Variants in KIF12 observed in about 807,000 individuals in gnomAD.
KIF12 encodes the protein kinesin-like protein KIF12.
Under a neutral mutation model 87.9 loss-of-function variants are expected in KIF12, and 80 were observed. The ratio of observed to expected loss-of-function variants is 0.91; its 90% CI spans 0.76 to 1.10. The LOEUF (loss-of-function observed/expected upper bound fraction) is 1.10. KIF12 is among the 50% of genes least tolerant of loss of function. The pLI, the probability that KIF12 is intolerant of heterozygous loss-of-function variation, is 0.00. For missense variants in KIF12, 819 were observed against 865.3 expected, an observed-to-expected ratio of 0.95 and a Z score of 0.67; for synonymous variants, 353 against 348.5, an observed-to-expected ratio of 1.01 and a Z score of -0.14.
chr9:114,098,281 C>G (rs1847322944), intron 4 of KIF12, 21 bp downstream of exon 4: 2 of 1,491,706 alleles, frequency 1.3e-6, no homozygotes, highest in Non-Finnish European at 1.8e-6. Flanking sequence ...CGGCGCGGAG[C>G]GGAGGCGAAG....
In KIF12 at chr9:114,098,101, C is replaced by A; in HGVS notation, c.375+14G>T. 6 of 1,543,624 alleles carry A rather than the reference C, an allele frequency of 3.9e-6. No homozygotes were observed. The highest frequency in any genetic ancestry group is 5.2e-6 in the Non-Finnish European group (6 of 1,145,152). ...CAGCCCCGCCCCGCGGGGGCGCCGCCGGCGCTCGCTCACCTGGGGAGGGGG... is the reference window on the plus strand; with the variant it reads ...CAGCCCCGCCCCGCGGGGGCGCCGCAGGCGCTCGCTCACCTGGGGAGGGGG... On this transcript the variant is annotated intron_variant, in intron 5 of 18. Coordinates refer to ENST00000640217, the MANE Select transcript of KIF12 (RefSeq NM_001388308.1).
At chr9:114,094,673 G>C (rs944475537) in intron 11 of KIF12, among the ~76,000 whole-genome samples, 5 of 152,164 alleles carry the variant, frequency 3.3e-5, no homozygotes, top group African/African-American at 1.2e-4. Flanking sequence ...TCAGCTGTGA[G>C]TCCAATCCCA....
chr9:114,095,450 C>G, intron 9 of KIF12, 118 bp from the exon 10 acceptor site: 4 of 1,066,744 alleles, frequency 3.7e-6, no homozygotes, highest in Non-Finnish European at 5.4e-6. Context: ...ACCCATCTTT[C>G]CACATGATCT....
chr9:114,097,141 T>C (rs1847264664), intron 7 of KIF12, among the ~76,000 whole-genome samples, 160 bp downstream of exon 7: 1 of 149,876 alleles, frequency 6.7e-6, no homozygotes, highest in Non-Finnish European at 1.5e-5. Flanking sequence ...GGGGAGGCCC[T>C]TGGGCCATGC....
intron 14 of KIF12, 101 bp downstream of exon 14, chr9:114,093,785 G>T: frequency 4.0e-6 from 4 of 1,009,516 alleles, no homozygotes; most frequent in Non-Finnish European, 6.0e-6. Flanking sequence ...AACCTAGTTG[G>T]TCTGAATCCA....
chr9:114,092,246 A>G, intron 18 of KIF12, 87 bp downstream of exon 18: 2 of 1,483,622 alleles, frequency 1.3e-6, no homozygotes, highest in Non-Finnish European at 1.8e-6. Context: ...ACCCCATTTC[A>G]GAGATAAGAC....
chr9:114,094,062 T>A (rs1847102573), intron 13 of KIF12, 90 bp from the exon 14 acceptor site: 1 of 1,454,944 alleles, frequency 6.9e-7, no homozygotes, highest in Non-Finnish European at 9.6e-7. Context: ...TAGCACCAGT[T>A]CAGGAAGCAG....
rs762438258 is a variant in KIF12, at chr9:114,095,199, G to A, written c.1014+15C>T. 1.2e-5 allele frequency: 19 copies of A among 1,612,950 alleles called. No homozygotes were observed. In the South Asian group the frequency reaches 2.1e-4, roughly 18 times the overall value. On this transcript the variant is annotated intron_variant, in intron 10 of 18. Coordinates refer to ENST00000640217, the MANE Select transcript of KIF12 (RefSeq NM_001388308.1). The stretch of plus-strand genomic sequence containing the variant: ...CTCAAGACCCAACCTTCCCTGCCAG[G>A]CCCCGCTTAAGTACCATGAGGGTGA...
At position 114,094,191 on chromosome 9, in the gene KIF12, C is replaced by A. The variant is rs780710772; in HGVS notation, c.1303G>T (p.Glu435Ter). The A allele has an allele frequency of 2.5e-6, 4 of 1,613,698 alleles. No individual in the cohort carries two copies. The African/African-American group carries it at 4.0e-5, about 16-fold the overall frequency. ...TGGGCTGTGCCCTACCTGAGCCTCT[C>A]ATTCTCTAGCATGAACTCCTGTAGC... ...GMLQEFMLEN[E>*]RLRKEKSQLQ... Residue 435 changes from glutamate to a stop codon, truncating the protein, a stop_gained, in exon 13 of 19, where the codon GAG becomes TAG. Coordinates refer to ENST00000640217, the MANE Select transcript of KIF12 (RefSeq NM_001388308.1). LOFTEE classifies it high-confidence loss of function.
Position 114,098,310 on chromosome 9 carries a change from C to T in KIF12, c.291G>A (p.Ala97=). ...GGCGAAGCTTCACTCACCCGCGCAG[C>T]GCCAGCTCCCCCAGGCGCCGCACGC... The part of the protein sequence containing the change: ...ACGVRRLGEL[A]LRGFSCTVFT... The change falls in exon 4 of 19, where the codon GCG becomes GCA. Residue 97 remains alanine (A), a synonymous_variant. Coordinates refer to ENST00000640217, the MANE Select transcript of KIF12 (RefSeq NM_001388308.1). 6.8e-7 allele frequency: 1 copy of T among 1,466,394 alleles called. No homozygotes were observed. Among genetic ancestry groups the T allele is most frequent in the South Asian group, 1.4e-5 (1 of 71,718 alleles). 90.8% of individuals were successfully genotyped at this position (1,466,394 alleles called of 1,614,324 possible). A position where few individuals can be genotyped will look rare whatever the true frequency, so the allele number is the denominator to read the frequency against.
In KIF12 at chr9:114,092,386, G is replaced by C. The variant is rs71503587; in HGVS notation, c.1763C>G (p.Pro588Arg). 6.2e-7 allele frequency: 1 copy of C among 1,611,928 alleles called. No homozygotes were observed. The highest frequency in any genetic ancestry group is 8.5e-7 in the Non-Finnish European group (1 of 1,179,284). ...CCTCACAGGCAGGGGAGGTGCAGAA[G>C]GTACCACCTCCTCCTCCGTCAACAT... ...AEMLTEEEVV[P>R]SAPPLPVRPP... Residue 588 changes from proline to arginine, a missense_variant, in exon 18 of 19, where the codon CCT becomes CGT. Physicochemically the swap from Pro to Arg is moderately radical, Grantham distance 103. Coordinates refer to ENST00000640217, the MANE Select transcript of KIF12 (RefSeq NM_001388308.1).
chr9:114,092,531 G>A lies in KIF12; in HGVS notation c.1697+11C>T, dbSNP rs1226918239. 1 of 1,612,936 alleles carries A rather than the reference G, an allele frequency of 6.2e-7. No homozygotes were observed. Among genetic ancestry groups the A allele is most frequent in the Non-Finnish European group, 8.5e-7 (1 of 1,179,828 alleles). On this transcript the variant is annotated intron_variant, in intron 17 of 18. Coordinates refer to ENST00000640217, the MANE Select transcript of KIF12 (RefSeq NM_001388308.1). Reference sequence around the variant, plus strand: ...CCCCTCTCTGACCTCAGTGCCCCAGGAGAGACCCACCTCTCTCTTGGGCAC... The same window carrying A: ...CCCCTCTCTGACCTCAGTGCCCCAGAAGAGACCCACCTCTCTCTTGGGCAC...
rs376068937 is a variant in KIF12, at chr9:114,096,027, A to G, written c.895+24T>C. Reference sequence around the variant, plus strand: ...AGGCACAGAGGAGAGACAGGAAATCACACCGGTGGCCCCCAGGTCTCACCC... The same window carrying G: ...AGGCACAGAGGAGAGACAGGAAATCGCACCGGTGGCCCCCAGGTCTCACCC... On this transcript the variant is annotated intron_variant, in intron 9 of 18. Coordinates refer to ENST00000640217, the MANE Select transcript of KIF12 (RefSeq NM_001388308.1). 1.3e-5 allele frequency: 20 copies of G among 1,592,010 alleles called. No individual in the cohort carries two copies. In the African/African-American group the frequency reaches 2.7e-4, roughly 21 times the overall value.
At position 114,091,999 on chromosome 9, in the gene KIF12, A is replaced by AC; in HGVS notation, c.1817dup (p.Gly607TrpfsTer33). Reference sequence around the variant, plus strand: ...GGGCCAGGTTTGGAACCCCGGCCCCACCTAAGGAGCAGTGAGACTCGAGGC... The same window carrying AC: ...GGGCCAGGTTTGGAACCCCGGCCCCACCCTAAGGAGCAGTGAGACTCGAGGC... On this transcript the variant is annotated frameshift_variant and splice_region_variant, in exon 19 of 19. Transcript: ENST00000640217. LOFTEE classifies it low-confidence loss of function (END_TRUNC). 1 of 1,610,524 alleles carries AC rather than the reference A, an allele frequency of 6.2e-7. No individual in the cohort carries two copies. Among genetic ancestry groups the AC allele is most frequent in the Non-Finnish European group, 8.5e-7 (1 of 1,178,948 alleles).
chr9:114,099,273 C>T lies in KIF12; in HGVS notation c.4G>A (p.Glu2Lys), dbSNP rs1380404397. The T allele has an allele frequency of 3.2e-6, 5 of 1,551,102 alleles. No individual in the cohort carries two copies. Among genetic ancestry groups the T allele is most frequent in the Non-Finnish European group, 4.4e-6 (5 of 1,147,070 alleles). Residue 2 changes from glutamate (E) to lysine (K), a missense_variant, in exon 1 of 19, where the codon GAA (glutamate) becomes AAA (lysine). Transcript: ENST00000640217. M[E>K]ERGSPDGDLA... is the part of the protein sequence containing the mutation. ...TACCCGTCGGGTGACCCGCGTTCTTCCATGTCCTGCTCTGCACACGGAGTT... is the reference window on the plus strand; with the variant it reads ...TACCCGTCGGGTGACCCGCGTTCTTTCATGTCCTGCTCTGCACACGGAGTT...
chr9:114,092,569 G>A lies in KIF12; in HGVS notation c.1670C>T (p.Pro557Leu), dbSNP rs1242580246. The A allele has an allele frequency of 6.2e-7, 1 of 1,609,610 alleles. No homozygotes were observed. Among genetic ancestry groups the A allele is most frequent in the South Asian group, 1.1e-5 (1 of 90,458 alleles). The part of the protein sequence containing the change: ...RPPPWAPPCS[P>L]GSAKCPRERS... ...CTCTCTTGGGCACTTGGCAGAGCCA[G>A]GGCTGCATGGGGGTGCCCAGGGTGG... Residue 557 changes from proline (P) to leucine (L), a missense_variant, in exon 17 of 19, where the codon CCT becomes CTT. Coordinates refer to ENST00000640217, the MANE Select transcript of KIF12 (RefSeq NM_001388308.1).
rs746979381 is a variant in KIF12, at chr9:114,091,825, G to GACTGCT, written c.*35_*36insAGCAGT. ...CCCAAGAGTGTGGAGCCCAGTCTGA[G>GACTGCT]GTCACACAGCAGTCTCCTGGGTTCC... On this transcript the variant is annotated 3_prime_UTR_variant, in exon 19 of 19. Coordinates refer to ENST00000640217, the MANE Select transcript of KIF12 (RefSeq NM_001388308.1). 3 of 1,557,488 alleles carry GACTGCT rather than the reference G, an allele frequency of 1.9e-6. No homozygotes were observed. Among genetic ancestry groups the GACTGCT allele is most frequent in the Non-Finnish European group, 2.6e-6 (3 of 1,146,160 alleles).
At position 114,091,787 on chromosome 9, in the gene KIF12, G is replaced by T; in HGVS notation, c.*74C>A. 1 of 1,440,990 alleles carries T rather than the reference G, an allele frequency of 6.9e-7. No homozygotes were observed. Among genetic ancestry groups the T allele is most frequent in the South Asian group, 1.5e-5 (1 of 68,622 alleles). The allele number at this position is 1,440,990 out of a possible 1,614,324, so 89.3% of individuals were successfully genotyped here. A position where few individuals can be genotyped will look rare whatever the true frequency, so the allele number is the denominator to read the frequency against. On this transcript the variant is annotated 3_prime_UTR_variant, in exon 19 of 19. Transcript: ENST00000640217. ...CAGCTGCTGTCTCCATTCAGCAGAT[G>T]GGCAGACTGAAGCCCAAGAGTGTGG...
chr9:114,094,488 G>A (rs745707764), intron 11 of KIF12, 33 bp from the exon 12 acceptor site: 5 of 1,367,714 alleles, frequency 3.7e-6, no homozygotes, highest in Non-Finnish European at 5.2e-6. Context: ...CCACCTTTAT[G>A]GTTGTATAAG....
Sources: allele counts gnomAD v4.1 joint callset (sites outside exome capture counted in the v4.1 genomes callset), GRCh38; gene constraint gnomAD v4.1.1; transcripts MANE v1.5; gene names NCBI Gene and HGNC (gene_info 2026-07-23, HGNC 2026-07-21).